The following GSE1 variants were observed in gnomAD, a reference collection of about 807,000 sequenced individuals.
GSE1 encodes the protein Gse1 coiled-coil protein.
Under a neutral mutation model 112.6 loss-of-function variants are expected in GSE1, and 32 were observed. The ratio of observed to expected loss-of-function variants is 0.28; its 90% CI spans 0.21 to 0.38. GSE1 has a LOEUF of 0.38. GSE1 is among the 10% of genes least tolerant of loss of function. The probability of loss-of-function intolerance (pLI) is 1.00; values close to 1 mark genes in which losing one functional copy is unlikely to be tolerated. For missense variants in GSE1, 2,348 were observed against 1,699.2 expected (o/e 1.38, Z -6.71); for synonymous variants, 1,115 against 735.6 (o/e 1.52, Z -8.35).
At chr16:85,429,169 A>G (rs750000296) in intron 2 of GSE1, among the ~76,000 whole-genome samples, 2 of 152,174 alleles carry the variant, frequency 1.3e-5, no homozygotes, top group Non-Finnish European at 2.9e-5. Context: ...AGGTGGGGAG[A>G]CAGCCCAGGG....
chr16:85,548,486 G>C (rs1265184007), intron 2 of GSE1, among the ~76,000 whole-genome samples: 1 of 152,052 alleles, frequency 6.6e-6, no homozygotes, highest in Non-Finnish European at 1.5e-5. Flanking sequence ...ATATTAGTGA[G>C]ATCATGCAGT....
exon 1 of GSE1, chr16:85,556,172 T>TC (rs2045202516): frequency 1.0e-6 from 1 of 982,694 alleles, no homozygotes; most frequent in African/African-American, 1.8e-5. Context: ...TTTTTTTTTT[T>TC]CGTCGCTCTC....
intron 2 of GSE1, among the ~76,000 whole-genome samples, chr16:85,367,511 A>C (rs540810800): frequency 9.8e-5 from 15 of 152,364 alleles, no homozygotes; most frequent in African/African-American, 3.6e-4. Context: ...GGGTGGTGAG[A>C]GGGCCACGAA....
chr16:85,410,452 A>G (rs1223721571), intron 2 of GSE1, among the ~76,000 whole-genome samples: 5 of 12,970 alleles, frequency 3.9e-4, no homozygotes, highest in Non-Finnish European at 5.7e-4. Context: ...CCTCACTGTT[A>G]CACTCAGGGC....
intron 2 of GSE1, among the ~76,000 whole-genome samples, chr16:85,383,527 GTCTCTCTCTCTCTCTCTCTCTCTCTCTC>G (rs55919597): frequency 9.2e-5 from 12 of 130,770 alleles, no homozygotes; most frequent in Non-Finnish European, 2.1e-4. Context: ...GCACACCTGC[GTCTCTCTCTCTCTCTCTCTCTCTCTCTC>G]TCTCTCTCTC....
intron 1 of GSE1, among the ~76,000 whole-genome samples, chr16:85,198,476 TGGG>T (rs1206028555): frequency 6.6e-6 from 1 of 151,228 alleles, no homozygotes; most frequent in Non-Finnish European, 1.5e-5. Context: ...GACCTTGCGA[TGGG>T]GGAGACAGGC....
At chr16:85,213,643 A>G (rs2075263358) in intron 1 of GSE1, among the ~76,000 whole-genome samples, 1 of 152,236 alleles carries the variant, frequency 6.6e-6, no homozygotes, top group Non-Finnish European at 1.5e-5. Flanking sequence ...GATAGTCAGC[A>G]AGGCAGGCTC....
At chr16:85,334,973 C>T (rs893760253) in intron 1 of GSE1, among the ~76,000 whole-genome samples, 6 of 152,190 alleles carry the variant, frequency 3.9e-5, no homozygotes, top group African/African-American at 7.2e-5. Flanking sequence ...GCACTTCCTC[C>T]CTCACCTCCC....
At chr16:85,557,278 C>A (rs2045278423) in intron 1 of GSE1, among the ~76,000 whole-genome samples, 1 of 152,166 alleles carries the variant, frequency 6.6e-6, no homozygotes, top group Admixed American at 6.5e-5. Context: ...GGCCACGTGA[C>A]GCAGGTCAGG....
chr16:85,392,097 T>C (rs550758312), intron 2 of GSE1, among the ~76,000 whole-genome samples: 1 of 152,156 alleles, frequency 6.6e-6, no homozygotes, highest in South Asian at 2.1e-4. Context: ...CTCCCTCCCT[T>C]CCCGTGATTC....
intron 1 of GSE1, among the ~76,000 whole-genome samples, chr16:85,233,018 GAGGGC>G (rs1160264124): frequency 5.3e-5 from 8 of 152,376 alleles, no homozygotes; most frequent in Admixed American, 5.2e-4. Flanking sequence ...GTCGGCAGTC[GAGGGC>G]AGGGAGACCT....
chr16:85,368,630 A>T (rs963971922), intron 2 of GSE1, among the ~76,000 whole-genome samples: 2 of 152,196 alleles, frequency 1.3e-5, no homozygotes, highest in Non-Finnish European at 2.9e-5. Context: ...GCTTGAGCCC[A>T]GGAGTTCGAG....
chr16:85,644,948 A>G (rs1055894657), intron 2 of GSE1, among the ~76,000 whole-genome samples: 2 of 151,898 alleles, frequency 1.3e-5, no homozygotes, highest in Non-Finnish European at 2.9e-5. Context: ...CTAAATACAT[A>G]CAGAAAAGCG....
At chr16:85,612,617 TG>T (rs1276741829), upstream of GSE1, among the ~76,000 whole-genome samples, 1 of 138,520 alleles carries the variant, frequency 7.2e-6, no homozygotes, top group South Asian at 2.4e-4. Context: ...TACTTAAAAC[TG>T]GGGGGTGGGG....
At chr16:85,494,477 G>A (rs1412367962) in intron 2 of GSE1, among the ~76,000 whole-genome samples, 1 of 145,994 alleles carries the variant, frequency 6.8e-6, no homozygotes, top group Non-Finnish European at 1.5e-5. Flanking sequence ...TTCCAAGACA[G>A]GGTCTCACTC....
At chr16:85,254,827 G>T (rs981571540) in intron 1 of GSE1, among the ~76,000 whole-genome samples, 7 of 152,230 alleles carry the variant, frequency 4.6e-5, no homozygotes, top group South Asian at 2.1e-4. Flanking sequence ...GTTAAACCAA[G>T]ACATGCTATG....
At chr16:85,241,496 T>C (rs992992148) in intron 1 of GSE1, among the ~76,000 whole-genome samples, 7 of 151,790 alleles carry the variant, frequency 4.6e-5, no homozygotes, top group African/African-American at 1.5e-4. Flanking sequence ...CAAGCTGGAG[T>C]TGGTTATTTT....
chr16:85,468,296 G>A (rs1361006439), intron 2 of GSE1, among the ~76,000 whole-genome samples: 1 of 147,710 alleles, frequency 6.8e-6, no homozygotes, highest in Non-Finnish European at 1.5e-5. Flanking sequence ...GCTTCTTCTT[G>A]TAGGGCCCTT....
intron 2 of GSE1, among the ~76,000 whole-genome samples, chr16:85,478,841 TTCTTTCTTTCTTTC>T (rs1357718062): frequency 0.041 from 521 of 12,660 alleles, 13 homozygotes; most frequent in Admixed American, 0.051. Context: ...CTCATTTATT[TTCTTTCTTTCTTTC>T]TTTCTTTCTT....
Sources: gnomAD v4.1 joint callset for allele counts (sites outside exome capture counted in the v4.1 genomes callset) on GRCh38, gnomAD v4.1.1 for gene constraint, MANE v1.5 for transcripts, NCBI Gene and HGNC (gene_info 2026-07-23, HGNC 2026-07-21) for gene names.